CTNNA3: variants seen among roughly 807,000 people sequenced by gnomAD.
CTNNA3 encodes catenin alpha 3, also known as catenin alpha-3.
In CTNNA3, 76 loss-of-function variants were observed where a neutral mutation model predicts 95.7. The ratio of observed to expected loss-of-function variants is 0.79; its 90% confidence interval spans 0.66 to 0.96. The LOEUF (loss-of-function observed/expected upper bound fraction) is 0.96. Ranked by LOEUF, CTNNA3 falls within the 40% of genes least tolerant of loss-of-function variation. The probability of loss-of-function intolerance (pLI) is 0.00; values close to 1 mark genes in which losing one functional copy is unlikely to be tolerated. For synonymous variants in CTNNA3, 431 were observed against 374.4 expected (o/e 1.15, Z -1.74); for missense variants, 1,191 against 1,089.8 (o/e 1.09, Z -1.31).
chr10:66,107,311 T>C lies in CTNNA3; in HGVS notation c.1885-4062A>G, dbSNP rs540634730. 7.2e-5 allele frequency among the ~76,000 whole-genome samples: 11 copies of C among 152,304 alleles called. No individual in the cohort carries two copies. In the South Asian group the frequency reaches 2.3e-3, roughly 32 times the overall value. ...CTTCCTTAGGCAGCCCAAAAGTGAT[T>C]TGGAATAGGCTTAGTTTCTTCACCT... On this transcript the variant is annotated intron_variant, in intron 13 of 17. Coordinates refer to ENST00000433211, the MANE Select transcript of CTNNA3 (RefSeq NM_013266.4).
At chr10:66,599,025 T>G (rs545806997) in intron 10 of CTNNA3, among the ~76,000 whole-genome samples, 2 of 144,694 alleles carry the variant, frequency 1.4e-5, no homozygotes, top group African/African-American at 5.4e-5. Context: ...CAAAACAATA[T>G]GGTACTGGCA....
chr10:67,494,667 A>C (rs560980820), intron 5 of CTNNA3, among the ~76,000 whole-genome samples: 1 of 152,280 alleles, frequency 6.6e-6, no homozygotes, highest in South Asian at 2.1e-4. Flanking sequence ...ACCCTCTCGA[A>C]ATTTTCTAGG....
chr10:67,093,642 G>A (rs1857796128), intron 7 of CTNNA3, among the ~76,000 whole-genome samples: 1 of 151,566 alleles, frequency 6.6e-6, no homozygotes, highest in Non-Finnish European at 1.5e-5. Flanking sequence ...TTGGTGCAAG[G>A]ACATACCCTC....
intron 5 of CTNNA3, among the ~76,000 whole-genome samples, chr10:67,320,512 C>A (rs1399438752): frequency 6.6e-6 from 1 of 152,042 alleles, no homozygotes; most frequent in Non-Finnish European, 1.5e-5. Flanking sequence ...AAATATTGGC[C>A]AATATATTTA....
intron 17 of CTNNA3, among the ~76,000 whole-genome samples, chr10:65,921,659 C>T (rs961322093): frequency 1.3e-5 from 2 of 152,192 alleles, no homozygotes; most frequent in African/African-American, 4.8e-5. Context: ...AAAGCAGCTT[C>T]CCAATCACAG....
chr10:66,655,772 A>G (rs538158764), intron 9 of CTNNA3, among the ~76,000 whole-genome samples: 1 of 152,126 alleles, frequency 6.6e-6, no homozygotes, highest in East Asian at 1.9e-4. Flanking sequence ...ATTACAGAAG[A>G]ATTGCCAAAG....
At chr10:67,519,608 C>T (rs2133153035) in intron 5 of CTNNA3, among the ~76,000 whole-genome samples, 1 of 152,190 alleles carries the variant, frequency 6.6e-6, no homozygotes, top group Admixed American at 6.5e-5. Flanking sequence ...TGAGGATTTG[C>T]CATGAGTCAG....
chr10:66,232,986 T>C (rs559306583), intron 13 of CTNNA3, among the ~76,000 whole-genome samples: 2 of 151,672 alleles, frequency 1.3e-5, no homozygotes, highest in African/African-American at 2.4e-5. Context: ...TGAAACCCCA[T>C]CTCTACTAAA....
chr10:67,062,098 T>TTA (rs879524685), intron 7 of CTNNA3, among the ~76,000 whole-genome samples: 12 of 152,094 alleles, frequency 7.9e-5, no homozygotes, highest in South Asian at 2.1e-4. Flanking sequence ...ATGAACCACT[T>TTA]TATATATATA....
chr10:66,645,658 T>C (rs2132394940), intron 9 of CTNNA3, among the ~76,000 whole-genome samples: 1 of 152,276 alleles, frequency 6.6e-6, no homozygotes, highest in Middle Eastern at 3.4e-3. Flanking sequence ...TACTGCCTGA[T>C]CTTTGCCTTC....
intron 7 of CTNNA3, among the ~76,000 whole-genome samples, chr10:66,972,754 A>G (rs981053858): frequency 5.8e-5 from 8 of 136,786 alleles, no homozygotes; most frequent in Non-Finnish European, 1.2e-4. Context: ...TCTGTCACCC[A>G]GGCTGGAGTG....
intron 13 of CTNNA3, among the ~76,000 whole-genome samples, chr10:66,208,698 C>G (rs1358814243): frequency 6.6e-6 from 1 of 152,204 alleles, no homozygotes; most frequent in African/African-American, 2.4e-5. Context: ...TTATGGCCTT[C>G]TGTTACATTT....
At chr10:66,406,671 A>T (rs1015503735) in intron 11 of CTNNA3, among the ~76,000 whole-genome samples, 1 of 152,140 alleles carries the variant, frequency 6.6e-6, no homozygotes, top group Non-Finnish European at 1.5e-5. Flanking sequence ...ATAGAGACAA[A>T]CACTAATCAA....
intron 13 of CTNNA3, among the ~76,000 whole-genome samples, chr10:66,116,738 A>G (rs2082356376): frequency 6.6e-6 from 1 of 152,142 alleles, no homozygotes. Context: ...AGGCTGTGTA[A>G]GAGGCATGGC....
At chr10:67,220,399 A>G (rs940920472) in intron 5 of CTNNA3, among the ~76,000 whole-genome samples, 1 of 152,240 alleles carries the variant, frequency 6.6e-6, no homozygotes, top group East Asian at 1.9e-4. Flanking sequence ...ACAATTAGTT[A>G]CTGAGCACTT....
At chr10:67,605,264 A>G (rs537712031) in intron 3 of CTNNA3, among the ~76,000 whole-genome samples, 13 of 152,356 alleles carry the variant, frequency 8.5e-5, no homozygotes, top group Non-Finnish European at 1.3e-4. Flanking sequence ...AATAAGCTAG[A>G]CATAGAAAGA....
At chr10:66,823,283 A>C (rs757153338) in intron 7 of CTNNA3, among the ~76,000 whole-genome samples, 1 of 152,242 alleles carries the variant, frequency 6.6e-6, no homozygotes, top group Non-Finnish European at 1.5e-5. Context: ...GAAATTCTTT[A>C]AAATTTTATT....
chr10:67,731,599 G>A (rs1364915049), intron 1 of CTNNA3, among the ~76,000 whole-genome samples: 4 of 151,906 alleles, frequency 2.6e-5, no homozygotes, highest in African/African-American at 4.8e-5. Flanking sequence ...TCAGGAGATC[G>A]AGACCATCCT....
chr10:66,481,532 C>T (rs1248517352), intron 11 of CTNNA3, among the ~76,000 whole-genome samples: 1 of 116,592 alleles, frequency 8.6e-6, no homozygotes. Flanking sequence ...ACTGCAGTGG[C>T]ACGATCTCGG....
Sources: gnomAD v4.1 joint callset for allele counts (sites outside exome capture counted in the v4.1 genomes callset) on GRCh38, gnomAD v4.1.1 for gene constraint, MANE v1.5 for transcripts, NCBI Gene and HGNC (gene_info 2026-07-23, HGNC 2026-07-21) for gene names.